Variants in BRD4 observed in about 807,000 individuals in gnomAD.
BRD4 encodes bromodomain-containing protein 4.
A neutral mutation model predicts 142.1 loss-of-function variants in BRD4; 16 were observed. The ratio of observed to expected loss-of-function variants is 0.11; its 90% confidence interval spans 0.08 to 0.17. The LOEUF (loss-of-function observed/expected upper bound fraction) is 0.17. Among genes scored for constraint, BRD4 ranks in the 10% least tolerant of loss-of-function variants. BRD4 has a pLI of 1.00. For synonymous variants in BRD4, 833 were observed against 707.5 expected (o/e 1.18, Z -2.82); for missense variants, 1,424 against 1,810.9 (o/e 0.79, Z 3.88).
rs139314630 is a variant in BRD4 at position 15,238,743 on chromosome 19, G to A, written c.4020C>T (p.Ala1340=). ...KREQERRRRE[A]MAATIDMNFQ... is the part of the protein sequence containing the mutation. The stretch of plus-strand genomic sequence containing the variant: ...GTCCCCACCAGGCCTCCAGACTCAC[G>A]GCTTCCCGGCGTCTTCGCTCCTGCT... Residue 1340 remains alanine (A), a splice_region_variant and synonymous_variant, in exon 19 of 20, where the codon GCC becomes GCT. Coordinates refer to ENST00000679869, the MANE Select transcript of BRD4 (RefSeq NM_001379291.1). The surrounding 1 kb of genome is among the most constrained non-coding windows in gnomAD (Gnocchi z 7.2). 26 of 1,535,894 alleles carry A rather than the reference G, an allele frequency of 1.7e-5. No homozygotes were observed. In the South Asian group the frequency reaches 1.8e-4, roughly 10 times the overall value.
chr19:15,244,527 TGGGGAGGCG>T lies in BRD4; in HGVS notation c.2276_2284del (p.Pro759_Pro761del), dbSNP rs763371180. On this transcript the variant is annotated inframe_deletion, in exon 13 of 20. Coordinates refer to ENST00000679869, the MANE Select transcript of BRD4 (RefSeq NM_001379291.1). The stretch of plus-strand genomic sequence containing the variant: ...CGGAGGTGGAGGCGGTGGGGGCTGC[TGGGGAGGCG>T]GGGGCGGCTGCTGGGGCACAGGAGC... 3.1e-5 allele frequency: 5 copies of T among 163,764 alleles called. No individual in the cohort carries two copies. Among genetic ancestry groups the T allele is most frequent in the South Asian group, 2.5e-4 (5 of 19,620 alleles). 10.1% of individuals were successfully genotyped at this position (163,764 alleles called of 1,614,324 possible).
chr19:15,326,860 G>C (rs1034410740), intron 1 of BRD4, among the ~76,000 whole-genome samples: 2 of 152,146 alleles, frequency 1.3e-5, no homozygotes, highest in Non-Finnish European at 2.9e-5. Flanking sequence ...AATTGAGGTT[G>C]GTAGCCTGTC....
At position 15,261,313 on chromosome 19, in the gene BRD4, C is replaced by T. The variant is rs569915206; in HGVS notation, c.1341+2107G>A. Among the ~76,000 whole-genome samples the T allele has an allele frequency of 2.0e-3, 298 of 152,206 alleles. 1 individual carries two copies. The highest frequency in any genetic ancestry group is 6.8e-3 in the Middle Eastern group (2 of 294). ...CAGCCTGACCAATCGGCAAAACCCC[C>T]TCTCTACTAAAAAACAAAAATTAGC... On this transcript the variant is annotated intron_variant, in intron 7 of 19. Transcript: ENST00000679869.
intron 11 of BRD4, chr19:15,247,182 AC>A (rs1396633319): frequency 3.6e-5 from 8 of 219,922 alleles, no homozygotes; most frequent in East Asian, 6.5e-5. Flanking sequence ...GATTCCACCC[AC>A]CCCCCAGCCC....
In BRD4 at chr19:15,245,111, G is replaced by C. The variant is rs182302293; in HGVS notation, c.2159-349C>G. 212 of 353,814 alleles carry C rather than the reference G, an allele frequency of 6.0e-4. 1 individual carries two copies. Among genetic ancestry groups the C allele is most frequent in the African/African-American group, 4.3e-3 (203 of 47,376 alleles). The allele number at this position is 353,814 out of a possible 1,614,324, so 21.9% of individuals were successfully genotyped here. A position where few individuals can be genotyped will look rare whatever the true frequency, so the allele number is the denominator to read the frequency against. ...ACTATAGTGACTGAGTGCATGGCCT[G>C]GACAGCAACCTGCTCAGTTTTCCAA... is the stretch of plus-strand genomic sequence containing the variant. On this transcript the variant is annotated intron_variant, in intron 11 of 19. Transcript: ENST00000679869.
At chr19:15,261,587 G>A (rs2047471963) in intron 7 of BRD4, among the ~76,000 whole-genome samples, 2 of 152,302 alleles carry the variant, frequency 1.3e-5, no homozygotes, top group South Asian at 2.1e-4. Context: ...TTGTGAAGAA[G>A]GCACACAGAC....
At chr19:15,263,848 C>T (rs1411712097) in intron 6 of BRD4, among the ~76,000 whole-genome samples, 3 of 152,206 alleles carry the variant, frequency 2.0e-5, no homozygotes, top group Non-Finnish European at 4.4e-5. Context: ...GGGCCCAGCT[C>T]ATCGTGATGA....
Position 15,243,391 on chromosome 19 carries a change from G to T in BRD4, c.2678C>A (p.Ala893Asp). 1 of 1,543,806 alleles carries T rather than the reference G, an allele frequency of 6.5e-7. No individual in the cohort carries two copies. The highest frequency in any genetic ancestry group is 8.7e-7 in the Non-Finnish European group (1 of 1,150,208). ...TGGGAGCAGGGGTGTTTGGGTCAAG[G>T]CTGGTGACACGGCTGGGGGCCGGGC... The part of the protein sequence containing the change: ...KPARPPAVSP[A>D]LTQTPLLPQP... The change falls in exon 14 of 20, where the codon GCC (alanine) becomes GAC (aspartate). Residue 893 changes from alanine to aspartate, a missense_variant. Ala to Asp is a moderately radical substitution (Grantham distance 126). Around this residue, in one of 16 missense-constraint regions of BRD4, gnomAD observed 598 missense variants for 647.8 expected, o/e 0.92. Transcript: ENST00000679869.
intron 13 of BRD4, 142 bp from the exon 14 acceptor site, chr19:15,243,629 T>C: frequency 7.3e-7 from 1 of 1,368,920 alleles, no homozygotes; most frequent in South Asian, 1.7e-5. Context: ...CCACCTACCG[T>C]GGCCTCCCAC....
chr19:15,287,745 A>T (rs1568399067), intron 1 of BRD4, among the ~76,000 whole-genome samples: 2 of 151,174 alleles, frequency 1.3e-5, no homozygotes, highest in East Asian at 3.9e-4. Flanking sequence ...AACGTCTTCT[A>T]GGTTCATCCA....
intron 8 of BRD4, 41 bp from the exon 9 acceptor site, chr19:15,256,304 C>T (rs2047408135): frequency 1.3e-6 from 2 of 1,588,368 alleles, no homozygotes; most frequent in African/African-American, 1.4e-5. Context: ...AGGGCTGAAA[C>T]CACCTTCCTG....
At chr19:15,280,529 G>A (rs2047695697) in intron 1 of BRD4, 3 of 811,616 alleles carry the variant, frequency 3.7e-6, no homozygotes, top group Non-Finnish European at 4.5e-6. Context: ...GATATATCCC[G>A]TGTCATAGGT....
At chr19:15,253,018 G>C (rs185665076) in intron 11 of BRD4, 1 of 224,054 alleles carries the variant, frequency 4.5e-6, no homozygotes, top group Non-Finnish European at 8.9e-6. Context: ...TTTATTTCTA[G>C]TTAGAATAAA....
chr19:15,317,440 G>A (rs1227055083), intron 1 of BRD4, among the ~76,000 whole-genome samples: 2 of 152,154 alleles, frequency 1.3e-5, no homozygotes, highest in African/African-American at 4.8e-5. Flanking sequence ...CAGGCATGCA[G>A]TAAGCAATAG....
chr19:15,245,593 A>T (rs906537842), intron 11 of BRD4, among the ~76,000 whole-genome samples: 5 of 152,198 alleles, frequency 3.3e-5, no homozygotes, highest in Admixed American at 3.3e-4. Context: ...CTCGAGAGCC[A>T]GCGTGCCCAC....
Position 15,238,956 on chromosome 19 carries a change from C to T in BRD4, c.3807G>A (p.Leu1269=), listed in dbSNP as rs1429616784. The change falls in exon 19 of 20, where the codon CTG becomes CTA. Residue 1269 remains leucine (L), a synonymous_variant. Transcript: ENST00000679869. This position sits in a 1 kb window ranked among gnomAD's most constrained non-coding sequence, Gnocchi z 7.2. ...CCTCATGGGCCCGCCGGGCCTGCTC[C>T]AGCGCATCCTCGTCCTCTCGGCTCC... ...RMRSREDEDA[L]EQARRAHEEA... is the part of the protein sequence containing the mutation. The T allele has an allele frequency of 1.8e-5, 29 of 1,594,742 alleles. No individual in the cohort carries two copies. The highest frequency in any genetic ancestry group is 2.3e-5 in the Non-Finnish European group (27 of 1,172,720).
At position 15,267,534 on chromosome 19, in the gene BRD4, G is replaced by C; in HGVS notation, c.441C>G (p.Val147=). The C allele has an allele frequency of 5.0e-6, 8 of 1,613,610 alleles. No homozygotes were observed. The highest frequency in any genetic ancestry group is 6.8e-6 in the Non-Finnish European group (8 of 1,180,018). ...GCTTTTCCAGAGCTTCTGCCATTAA[G>C]ACTATGTCATCTCCAGGCTGGATAA... is the stretch of plus-strand genomic sequence containing the variant. ...YIYNKPGDDI[V]LMAEALEKLF... The change falls in exon 4 of 20, where the codon GTC becomes GTG. Residue 147 remains valine (V), a synonymous_variant. Coordinates refer to ENST00000679869, the MANE Select transcript of BRD4 (RefSeq NM_001379291.1).
chr19:15,249,986 T>C (rs891842589), intron 11 of BRD4, among the ~76,000 whole-genome samples: 2 of 152,220 alleles, frequency 1.3e-5, no homozygotes, highest in Non-Finnish European at 2.9e-5. Context: ...TCTTTCCTTT[T>C]TTGGGGTATC....
intron 1 of BRD4, among the ~76,000 whole-genome samples, chr19:15,309,403 T>C (rs558659130): frequency 6.6e-6 from 1 of 150,694 alleles, no homozygotes; most frequent in Non-Finnish European, 1.5e-5. Context: ...ATCTTTGCTA[T>C]CATCTAAAAG....
Sources: gnomAD v4.1 joint callset for allele counts (sites outside exome capture counted in the v4.1 genomes callset) on GRCh38, gnomAD v4.1.1 for gene constraint, gnomAD v4.1.1 regional missense constraint, Gnocchi (gnomAD v3.1) non-coding constraint, MANE v1.5 for transcripts, NCBI Gene and HGNC (gene_info 2026-07-23, HGNC 2026-07-21) for gene names.